Variants in PDLIM1 observed in about 807,000 individuals in gnomAD.
PDLIM1 encodes the protein PDZ and LIM domain protein 1.
A neutral mutation model predicts 35.2 loss-of-function variants in PDLIM1; 25 were observed. That is an observed-to-expected ratio of 0.71 (90% CI 0.52 to 0.99). PDLIM1 has a LOEUF of 0.99. Among genes scored for constraint, PDLIM1 ranks in the 50% least tolerant of loss-of-function variants. The pLI is 0.00. For synonymous variants in PDLIM1, 152 were observed against 154.0 expected (o/e 0.99, Z 0.10); for missense variants, 363 against 415.3 (o/e 0.87, Z 1.09).
At chr10:95,261,652 T>G (rs143219789) in intron 4 of PDLIM1, among the ~76,000 whole-genome samples, 391 of 152,288 alleles carry the variant, frequency 2.6e-3, no homozygotes, top group African/African-American at 8.5e-3. Flanking sequence ...CTTTAACATC[T>G]TCTAAAGCCA....
intron 2 of PDLIM1, among the ~76,000 whole-genome samples, chr10:95,269,561 G>C (rs188474004): frequency 8.6e-6 from 1 of 115,922 alleles, no homozygotes; most frequent in African/African-American, 3.1e-5. Context: ...GACAGAGTGA[G>C]ACTCCATCCC....
chr10:95,277,264 G>A (rs562450541), intron 1 of PDLIM1, among the ~76,000 whole-genome samples: 6 of 151,742 alleles, frequency 4.0e-5, no homozygotes, highest in South Asian at 2.1e-4. Context: ...TTCAATGAAC[G>A]TGCCATTGCC....
chr10:95,253,151 G>C (rs2035280817), intron 4 of PDLIM1, among the ~76,000 whole-genome samples: 1 of 152,092 alleles, frequency 6.6e-6, no homozygotes, highest in Non-Finnish European at 1.5e-5. Flanking sequence ...CTTATCTAGA[G>C]GGGAAAACCA....
At chr10:95,263,492 C>T (rs1033797105) in intron 4 of PDLIM1, among the ~76,000 whole-genome samples, 2 of 152,140 alleles carry the variant, frequency 1.3e-5, no homozygotes, top group Admixed American at 6.6e-5. Context: ...TCAAACACTC[C>T]CCGACTAATA....
chr10:95,272,283 G>A (rs942415527), intron 1 of PDLIM1, among the ~76,000 whole-genome samples: 1 of 152,002 alleles, frequency 6.6e-6, no homozygotes, highest in African/African-American at 2.4e-5. Context: ...TCTTAATAAT[G>A]TTATATATAC....
chr10:95,266,148 G>A (rs1473681009), intron 3 of PDLIM1, among the ~76,000 whole-genome samples: 1 of 150,228 alleles, frequency 6.7e-6, no homozygotes, highest in Admixed American at 6.6e-5. Context: ...AGTGAGCCAA[G>A]ACTGCACCAT....
At chr10:95,262,588 G>GCCACCC (rs1223848247) in intron 4 of PDLIM1, among the ~76,000 whole-genome samples, 4 of 151,582 alleles carry the variant, frequency 2.6e-5, no homozygotes, top group African/African-American at 4.8e-5. Flanking sequence ...CGCTCCAGCT[G>GCCACCC]CCACCCCCAC....
rs2035468075 is a variant in PDLIM1 at position 95,271,887 on chromosome 10, A to G, written c.97-103T>C. On this transcript the variant is annotated intron_variant, in intron 1 of 6. Coordinates refer to ENST00000329399, the MANE Select transcript of PDLIM1 (RefSeq NM_020992.4). The stretch of plus-strand genomic sequence containing the variant: ...GATATGGAGCAAAGCCCTGAAAAAG[A>G]AAAGAGGGCTGAAATCATAGCTTAA... The G allele has an allele frequency of 5.0e-6, 5 of 1,002,466 alleles. No homozygotes were observed. In the South Asian group the frequency reaches 6.1e-5, roughly 12 times the overall value. The allele number at this position is 1,002,466 out of a possible 1,614,324, so 62.1% of individuals were successfully genotyped here. A position where few individuals can be genotyped will look rare whatever the true frequency, so the allele number is the denominator to read the frequency against.
intron 4 of PDLIM1, among the ~76,000 whole-genome samples, chr10:95,261,735 G>A (rs1010471284): frequency 4.6e-5 from 7 of 152,186 alleles, no homozygotes; most frequent in African/African-American, 1.7e-4. Flanking sequence ...TCAGCTGGGC[G>A]CAGTGGCTCA....
At chr10:95,265,986 T>G (rs34566882) in intron 3 of PDLIM1, among the ~76,000 whole-genome samples, 92,138 of 151,624 alleles carry the variant, frequency 0.61, 29,441 homozygotes, top group Non-Finnish European at 0.7. Flanking sequence ...ATCACCTGAG[T>G]TCAGGAATTC....
chr10:95,276,033 T>A (rs777283248), intron 1 of PDLIM1, among the ~76,000 whole-genome samples: 2 of 152,024 alleles, frequency 1.3e-5, no homozygotes. Context: ...GGGGAAAAAA[T>A]TGATTTAAAC....
rs769255761 is a variant in PDLIM1, at chr10:95,247,376, A to G, written c.534-10T>C. On this transcript the variant is annotated splice_polypyrimidine_tract_variant and intron_variant, in intron 4 of 6. Coordinates refer to ENST00000329399, the MANE Select transcript of PDLIM1 (RefSeq NM_020992.4). ...CTGAGCATGGTCTAAGCTGTAAAGAATGTTTGAAAAATTGATTAGGACATG... is the reference window on the plus strand; with the variant it reads ...CTGAGCATGGTCTAAGCTGTAAAGAGTGTTTGAAAAATTGATTAGGACATG... 3 of 1,600,284 alleles carry G rather than the reference A, an allele frequency of 1.9e-6. No individual in the cohort carries two copies. The East Asian group carries it at 6.7e-5, about 36-fold the overall frequency.
intron 4 of PDLIM1, among the ~76,000 whole-genome samples, chr10:95,257,038 G>GAAAGAAAGAAAGAAAGA (rs1440640324): frequency 1.5e-5 from 2 of 129,774 alleles, no homozygotes; most frequent in African/African-American, 3.0e-5. Context: ...AAGAAAGAAA[G>GAAAGAAAGAAAGAAAGA]AATTCAAAAT....
At chr10:95,252,592 T>C (rs558474174) in intron 4 of PDLIM1, among the ~76,000 whole-genome samples, 2 of 151,828 alleles carry the variant, frequency 1.3e-5, no homozygotes, top group South Asian at 2.1e-4. Context: ...GACAGAGATG[T>C]TGGGATTATC....
At chr10:95,238,456 G>T in intron 6 of PDLIM1, 112 bp downstream of exon 6, 1 of 756,226 alleles carries the variant, frequency 1.3e-6, no homozygotes, top group Non-Finnish European at 2.4e-6. Flanking sequence ...CATTTTTCCA[G>T]GAGGGATTTG....
At chr10:95,266,892 T>A (rs994580470) in intron 3 of PDLIM1, among the ~76,000 whole-genome samples, 2 of 152,240 alleles carry the variant, frequency 1.3e-5, no homozygotes, top group Non-Finnish European at 2.9e-5. Context: ...TTTGTATTTA[T>A]CAGTCTCCAA....
At position 95,271,841 on chromosome 10, in the gene PDLIM1, C is replaced by T. The variant is rs986960817; in HGVS notation, c.97-57G>A. The T allele has an allele frequency of 4.8e-5, 74 of 1,554,812 alleles. 1 individual carries two copies. In the South Asian group the frequency reaches 7.7e-4, roughly 16 times the overall value. On this transcript the variant is annotated intron_variant, in intron 1 of 6. Transcript: ENST00000329399. ...TATTTGTCTCCAAACCACTAAGTTA[C>T]CACCAAGTTAAGTATTCACTGATAT...
At chr10:95,255,125 A>G (rs892094606) in intron 4 of PDLIM1, among the ~76,000 whole-genome samples, 1 of 152,064 alleles carries the variant, frequency 6.6e-6, no homozygotes, top group Non-Finnish European at 1.5e-5. Flanking sequence ...TATAACTAGT[A>G]AGGAGGTTCA....
rs140812133 is a variant in PDLIM1, at chr10:95,253,916, G to A, written c.534-6550C>T. Among the ~76,000 whole-genome samples the A allele has an allele frequency of 3.7e-3, 559 of 152,124 alleles. 1 individual carries two copies. The highest frequency in any genetic ancestry group is 0.02 in the Middle Eastern group (6 of 294). Reference sequence around the variant, plus strand: ...TTCTTTGAACTCCTGAAATGATGACGCCAGTAAACTGTGATAAGTTATATA... The same window carrying A: ...TTCTTTGAACTCCTGAAATGATGACACCAGTAAACTGTGATAAGTTATATA... On this transcript the variant is annotated intron_variant, in intron 4 of 6. Transcript: ENST00000329399.
Sources: gnomAD v4.1 joint callset for allele counts (sites outside exome capture counted in the v4.1 genomes callset) on GRCh38, gnomAD v4.1.1 for gene constraint, MANE v1.5 for transcripts, NCBI Gene and HGNC (gene_info 2026-07-23, HGNC 2026-07-21) for gene names.